Variants in ATP2C1 observed in about 807,000 individuals in gnomAD.
The protein encoded by ATP2C1 is ATPase secretory pathway Ca2+ transporting 1, also known as calcium-transporting ATPase type 2C member 1.
Under a neutral mutation model 120.5 loss-of-function variants are expected in ATP2C1, and 31 were observed. The ratio of observed to expected loss-of-function variants is 0.26; its 90% CI spans 0.19 to 0.35. The LOEUF (loss-of-function observed/expected upper bound fraction) is 0.35, where lower values mean the gene tolerates loss of function less well. Among genes scored for constraint, ATP2C1 ranks in the 10% least tolerant of loss-of-function variants. The probability of loss-of-function intolerance (pLI) is 1.00; values close to 1 mark genes in which losing one functional copy is unlikely to be tolerated. For synonymous variants in ATP2C1, 351 were observed against 358.7 expected, an observed-to-expected ratio of 0.98 and a Z score of 0.24; for missense variants, 731 against 1,107.5, an observed-to-expected ratio of 0.66 and a Z score of 4.83.
At chr3:130,964,919 T>A in intron 13 of ATP2C1, 29 bp from the exon 14 acceptor site, 1 of 1,524,328 alleles carries the variant, frequency 6.6e-7, no homozygotes, top group East Asian at 2.3e-5. Context: ...TTGATTCTTT[T>A]GGTGACTTGT....
intron 1 of ATP2C1, among the ~76,000 whole-genome samples, chr3:130,866,177 A>G (rs1054091877): frequency 3.3e-5 from 5 of 151,180 alleles, no homozygotes; most frequent in African/African-American, 1.2e-4. Flanking sequence ...AAAAATAAAT[A>G]AAGCAAATTA....
intron 1 of ATP2C1, among the ~76,000 whole-genome samples, chr3:130,882,229 ACT>A: frequency 7.3e-6 from 1 of 137,488 alleles, no homozygotes; most frequent in Non-Finnish European, 1.6e-5. Flanking sequence ...TTTTTTTCTC[ACT>A]CTGTTGCCCA....
intron 2 of ATP2C1, chr3:130,918,363 C>T: frequency 6.5e-7 from 1 of 1,538,902 alleles, no homozygotes; most frequent in Non-Finnish European, 9.0e-7. Context: ...ACACTTTGCA[C>T]ATCGGAAATA....
chr3:130,863,696 G>C (rs1228257116), intron 1 of ATP2C1, among the ~76,000 whole-genome samples: 4 of 152,140 alleles, frequency 2.6e-5, no homozygotes, highest in South Asian at 2.1e-4. Context: ...TGAATCATGG[G>C]GGCTGGTCTT....
At chr3:130,954,864 A>C in intron 9 of ATP2C1, 148 bp from the exon 10 acceptor site, 1 of 673,004 alleles carries the variant, frequency 1.5e-6, no homozygotes, top group East Asian at 2.7e-5. Flanking sequence ...AACATAAAAA[A>C]GTAAATTTGC....
downstream of ATP2C1, among the ~76,000 whole-genome samples, chr3:131,004,543 C>G (rs1381392234): frequency 6.6e-6 from 1 of 152,314 alleles, no homozygotes; most frequent in South Asian, 2.1e-4. Flanking sequence ...AGTATCATGC[C>G]TTCAGGAAGT....
At chr3:130,995,786 A>G (rs1041140399) in intron 22 of ATP2C1, among the ~76,000 whole-genome samples, 2 of 152,020 alleles carry the variant, frequency 1.3e-5, no homozygotes, top group East Asian at 1.9e-4. Context: ...GATTACAGGC[A>G]TGCGCCACCA....
intron 2 of ATP2C1, chr3:130,899,359 A>G (rs1293710385): frequency 6.6e-6 from 1 of 152,212 alleles, no homozygotes; most frequent in Non-Finnish European, 1.5e-5. Flanking sequence ...TGCTATATGT[A>G]TTATATACTG....
Position 130,894,641 on chromosome 3 carries a change from G to T in ATP2C1, c.-129G>T. 6.2e-7 allele frequency: 1 copy of T among 1,603,274 alleles called. No individual in the cohort carries two copies. Among genetic ancestry groups the T allele is most frequent in the Non-Finnish European group, 8.5e-7 (1 of 1,173,746 alleles). On this transcript the variant is annotated 5_prime_UTR_variant, in exon 2 of 28. Transcript: ENST00000510168. This position sits in a 1 kb window ranked among gnomAD's most constrained non-coding sequence, Gnocchi z 4.5. Reference sequence around the variant, plus strand: ...AGCCGTGGGACGCGTGGCCGGGAGCGGGGGTGACAGCCTGGGATTCCGGGG... The same window carrying T: ...AGCCGTGGGACGCGTGGCCGGGAGCTGGGGTGACAGCCTGGGATTCCGGGG...
chr3:130,858,556 G>A (rs187951758), intron 1 of ATP2C1, among the ~76,000 whole-genome samples: 5 of 152,224 alleles, frequency 3.3e-5, no homozygotes, highest in East Asian at 1.9e-4. Flanking sequence ...TAGCAATTTC[G>A]CATCTTTCTG....
intron 8 of ATP2C1, among the ~76,000 whole-genome samples, chr3:130,951,070 G>A (rs898501237): frequency 7.2e-5 from 11 of 152,180 alleles, no homozygotes; most frequent in Middle Eastern, 3.4e-3. Context: ...GGAAAGTTAC[G>A]TGCAACTCTG....
chr3:130,940,872 C>G (rs2059861286), intron 7 of ATP2C1, among the ~76,000 whole-genome samples, 181 bp downstream of exon 7: 1 of 148,746 alleles, frequency 6.7e-6, no homozygotes, highest in South Asian at 2.1e-4. Context: ...ACTTTAAAAT[C>G]CGAGATTCTA....
rs375188326 is a variant in ATP2C1, at chr3:130,996,648, T to G, written c.2127-32T>G. ...CATAGAATCAACAGATTTACTCTAC[T>G]GATATTTTTAAATGACTCTCTTTTT... On this transcript the variant is annotated intron_variant, in intron 23 of 27. Coordinates refer to ENST00000510168, the MANE Select transcript of ATP2C1 (RefSeq NM_001378687.1). 7.3e-6 allele frequency: 10 copies of G among 1,366,942 alleles called. No homozygotes were observed. The African/African-American group carries it at 1.0e-4, about 14-fold the overall frequency. The allele number at this position is 1,366,942 out of a possible 1,614,324, so 84.7% of individuals were successfully genotyped here.
At chr3:130,939,075 G>A (rs1480668941) in intron 6 of ATP2C1, among the ~76,000 whole-genome samples, 2 of 152,170 alleles carry the variant, frequency 1.3e-5, no homozygotes, top group African/African-American at 2.4e-5. Flanking sequence ...TGCTAGGTCT[G>A]ATTCTTACAC....
chr3:131,003,618 C>T (rs1273443960), downstream of ATP2C1, among the ~76,000 whole-genome samples: 1 of 152,120 alleles, frequency 6.6e-6, no homozygotes, highest in African/African-American at 2.4e-5. Context: ...CATTGCATGA[C>T]CCAGAGATGA....
At chr3:131,010,595 A>G (rs549887333) in intron 26 of ATP2C1, among the ~76,000 whole-genome samples, 1 of 152,350 alleles carries the variant, frequency 6.6e-6, no homozygotes, top group South Asian at 2.1e-4. Context: ...CAAGGGGGAC[A>G]GGTACTCACA....
At chr3:130,874,993 T>TAA (rs2068554807) in intron 1 of ATP2C1, among the ~76,000 whole-genome samples, 1 of 152,236 alleles carries the variant, frequency 6.6e-6, no homozygotes. Context: ...CTTTTCTTTT[T>TAA]AGTTCACATG....
At chr3:130,914,771 A>C (rs2058604979) in intron 2 of ATP2C1, among the ~76,000 whole-genome samples, 1 of 152,196 alleles carries the variant, frequency 6.6e-6, no homozygotes, top group South Asian at 2.1e-4. Context: ...TGCTTGACTA[A>C]GATTTTGATT....
Position 130,884,930 on chromosome 3 carries a change from C to CTTTT in ATP2C1, c.108+34019_108+34022dup, listed in dbSNP as rs35931105. Among the ~76,000 whole-genome samples the CTTTT allele has an allele frequency of 1.3e-3, 153 of 120,798 alleles. 2 individuals are homozygous for CTTTT. Among genetic ancestry groups the CTTTT allele is most frequent in the African/African-American group, 3.1e-3 (99 of 31,900 alleles). 79.2% of individuals were successfully genotyped at this position (120,798 alleles called of 152,430 possible). On this transcript the variant is annotated intron_variant, in intron 1 of 26. Transcript: ENST00000504381. Reference sequence around the variant, plus strand: ...TGTGTTTCTTTTCTTTCTTTTCTTTCTTTTTTTTTTTTTTTTTTTTAAGAC... The same window carrying CTTTT: ...TGTGTTTCTTTTCTTTCTTTTCTTTCTTTTTTTTTTTTTTTTTTTTTTTTAAGAC...
Sources: gnomAD v4.1 joint callset for allele counts (sites outside exome capture counted in the v4.1 genomes callset) on GRCh38, gnomAD v4.1.1 for gene constraint, Gnocchi (gnomAD v3.1) non-coding constraint, MANE v1.5 for transcripts, NCBI Gene and HGNC (gene_info 2026-07-23, HGNC 2026-07-21) for gene names.